The following CYB5RL variants were observed in gnomAD, a reference collection of about 807,000 sequenced individuals.
CYB5RL encodes NADH-cytochrome b5 reductase-like.
CYB5RL carries 38 observed loss-of-function variants against 37.5 expected under a neutral mutation model. The ratio of observed to expected loss-of-function variants is 1.01; its 90% CI spans 0.78 to 1.33. CYB5RL has a LOEUF of 1.33. Among genes scored for constraint, CYB5RL ranks in the 40% most tolerant of loss-of-function variants. The pLI is 0.00. For synonymous variants in CYB5RL, 141 were observed against 151.9 expected (o/e 0.93, Z 0.53); for missense variants, 388 against 394.4 (o/e 0.98, Z 0.14).
At chr1:54,177,481 T>C (rs1660049212) in intron 7 of CYB5RL, among the ~76,000 whole-genome samples, 1 of 152,184 alleles carries the variant, frequency 6.6e-6, no homozygotes, top group South Asian at 2.1e-4. Context: ...GCCTGGCCTC[T>C]ACCCACCACT....
chr1:54,172,354 T>C lies in CYB5RL; in HGVS notation c.*2265A>G, dbSNP rs1000348010. 4.7e-5 allele frequency: 7 copies of C among 150,338 alleles called. No homozygotes were observed. Among genetic ancestry groups the C allele is most frequent in the South Asian group, 4.3e-4 (2 of 4,694 alleles). The allele number at this position is 150,338 out of a possible 1,614,324, so 9.3% of individuals were successfully genotyped here. A position where few individuals can be genotyped will look rare whatever the true frequency, so the allele number is the denominator to read the frequency against. The stretch of plus-strand genomic sequence containing the variant: ...GTTAATCTTTTTTTTTTTTTTTTTT[T>C]TGTAGAGACAGGGTTTTGTCATGTT... On this transcript the variant is annotated 3_prime_UTR_variant, in exon 8 of 8. Coordinates refer to ENST00000534324, the MANE Select transcript of CYB5RL (RefSeq NM_001031672.4).
At chr1:54,198,328 T>C (rs35115189) in intron 1 of CYB5RL, among the ~76,000 whole-genome samples, 20,210 of 150,012 alleles carry the variant, frequency 0.13, 1,457 homozygotes, top group African/African-American at 0.18. Context: ...ATTTCTTTTC[T>C]TTCTTTCTTT....
chr1:54,191,234 C>T (rs1163448136), intron 3 of CYB5RL, among the ~76,000 whole-genome samples: 2 of 152,160 alleles, frequency 1.3e-5, no homozygotes, highest in African/African-American at 2.4e-5. Flanking sequence ...TTTTCTTTGT[C>T]CTCCCAAGAA....
chr1:54,177,710 A>T (rs1378079343), intron 7 of CYB5RL, among the ~76,000 whole-genome samples: 1 of 152,156 alleles, frequency 6.6e-6, no homozygotes, highest in Non-Finnish European at 1.5e-5. Flanking sequence ...TGTGGTGGAG[A>T]TTAAATTAAA....
At chr1:54,199,130 G>C (rs142282064) in intron 1 of CYB5RL, among the ~76,000 whole-genome samples, 155 of 152,236 alleles carry the variant, frequency 1.0e-3, no homozygotes, top group African/African-American at 3.6e-3. Flanking sequence ...CCACCCCGCA[G>C]GCCTTGGTTT....
chr1:54,174,460 G>A lies in CYB5RL; in HGVS notation c.*159C>T, dbSNP rs1379508265. ...GTGATTAACCTCATGGGGCAGATGAGAAGTAGAGGTTCTGAGCAGTAAAGA... is the reference window on the plus strand; with the variant it reads ...GTGATTAACCTCATGGGGCAGATGAAAAGTAGAGGTTCTGAGCAGTAAAGA... On this transcript the variant is annotated 3_prime_UTR_variant, in exon 8 of 8. Transcript: ENST00000534324. 9.2e-6 allele frequency: 7 copies of A among 762,032 alleles called. No individual in the cohort carries two copies. Among genetic ancestry groups the A allele is most frequent in the African/African-American group, 1.7e-5 (1 of 57,186 alleles). The allele number at this position is 762,032 out of a possible 1,614,324, so 47.2% of individuals were successfully genotyped here.
intron 1 of CYB5RL, among the ~76,000 whole-genome samples, chr1:54,199,248 A>G (rs4926623): frequency 0.28 from 42,714 of 152,072 alleles, 6,791 homozygotes; most frequent in East Asian, 0.52. Context: ...CATATTTACT[A>G]TGTGCCAGGC....
At chr1:54,199,945 G>A in intron 1 of CYB5RL, 31 bp downstream of exon 1, 1 of 438,760 alleles carries the variant, frequency 2.3e-6, no homozygotes, top group Non-Finnish European at 4.1e-6. Context: ...TGAAGTCCTG[G>A]AGCGATTCTC....
chr1:54,197,078 A>C (rs1408253447), intron 1 of CYB5RL, among the ~76,000 whole-genome samples: 2 of 152,162 alleles, frequency 1.3e-5, no homozygotes, highest in African/African-American at 2.4e-5. Context: ...GGGAAAGAAG[A>C]AGAGAGTTTG....
chr1:54,188,812 C>T (rs1426943891), intron 4 of CYB5RL, among the ~76,000 whole-genome samples: 1 of 152,160 alleles, frequency 6.6e-6, no homozygotes, highest in Non-Finnish European at 1.5e-5. Context: ...AAACTTTCTT[C>T]TCTGAGGTAT....
At chr1:54,179,089 A>G in intron 7 of CYB5RL, 60 bp downstream of exon 7, 1 of 1,557,114 alleles carries the variant, frequency 6.4e-7, no homozygotes, top group Non-Finnish European at 8.7e-7. Context: ...GGTCCTCAGG[A>G]CAGGTGCAAA....
At chr1:54,185,460 G>A in intron 5 of CYB5RL, 1 of 152,512 alleles carries the variant, frequency 6.6e-6, no homozygotes, top group Non-Finnish European at 1.5e-5. Context: ...CGAAGCACTG[G>A]GAGACAGGAC....
intron 4 of CYB5RL, among the ~76,000 whole-genome samples, chr1:54,190,359 C>A (rs183812127): frequency 3.3e-5 from 5 of 152,332 alleles, no homozygotes; most frequent in Admixed American, 3.3e-4. Flanking sequence ...AGCTCTAAAG[C>A]CACATTGCTT....
rs114708226 is a variant in CYB5RL, at chr1:54,183,655, G to A, written c.540+506C>T. Among the ~76,000 whole-genome samples the A allele has an allele frequency of 3.6e-3, 554 of 152,262 alleles. 1 individual carries two copies. Among genetic ancestry groups the A allele is most frequent in the African/African-American group, 0.013 (533 of 41,546 alleles). On this transcript the variant is annotated intron_variant, in intron 6 of 7. Transcript: ENST00000534324. ...AGCAATGGCCGCCCTGGGTAGCTTT[G>A]GAGCTGGGCAGGCAGTTTCATTTAT...
rs964298207 is a variant in CYB5RL at position 54,187,742 on chromosome 1, G to T, written c.348-3C>A. 6.8e-6 allele frequency: 11 copies of T among 1,613,504 alleles called. No homozygotes were observed. The highest frequency in any genetic ancestry group is 9.3e-6 in the Non-Finnish European group (11 of 1,179,480). ...TTTCTAAGTCATCTACTATCCCTCT[G>T]AGAAACAGAAGTGTGCAGTCAGTCA... On this transcript the variant is annotated splice_region_variant and splice_polypyrimidine_tract_variant and intron_variant, in intron 4 of 7. Coordinates refer to ENST00000534324, the MANE Select transcript of CYB5RL (RefSeq NM_001031672.4).
chr1:54,199,954 T>C (rs1470249639), intron 1 of CYB5RL, 22 bp downstream of exon 1: 2 of 457,888 alleles, frequency 4.4e-6, no homozygotes, highest in South Asian at 3.5e-5. Context: ...GGAGCGATTC[T>C]CCACCCACCA....
chr1:54,190,573 G>T, intron 4 of CYB5RL, 175 bp downstream of exon 4: 1 of 738,660 alleles, frequency 1.4e-6, no homozygotes, highest in Non-Finnish European at 2.2e-6. Context: ...TATTTATTAT[G>T]AAAATGCATT....
chr1:54,171,437 G>C lies in CYB5RL; in HGVS notation c.*3182C>G, dbSNP rs1357331278. The C allele has an allele frequency of 2.2e-6, 1 of 456,262 alleles. No individual in the cohort carries two copies. The highest frequency in any genetic ancestry group is 4.4e-6 in the Non-Finnish European group (1 of 226,786). 28.3% of individuals were successfully genotyped at this position (456,262 alleles called of 1,614,324 possible). ...GGAAAACTGGTCTGGTCTCAGCGTGGAGGTGGCATGGAGACTGGGAGCTGG... is the reference window on the plus strand; with the variant it reads ...GGAAAACTGGTCTGGTCTCAGCGTGCAGGTGGCATGGAGACTGGGAGCTGG... On this transcript the variant is annotated 3_prime_UTR_variant, in exon 8 of 8. Transcript: ENST00000534324.
Position 54,195,535 on chromosome 1 carries a change from A to G in CYB5RL, c.82T>C (p.Cys28Arg). ...LRPTEPLPSQ[C>R]CGSGCSPCVF... ...CAGGGTGAGCAGCCACTGCCGCAGC[A>G]CTGGGAAGGCAAGGGTTCTGTGGGC... The change falls in exon 3 of 8, where the codon TGC (cysteine) becomes CGC (arginine). Residue 28 changes from cysteine (C) to arginine (R), a missense_variant. Coordinates refer to ENST00000534324, the MANE Select transcript of CYB5RL (RefSeq NM_001031672.4). The G allele has an allele frequency of 6.2e-7, 1 of 1,613,764 alleles. No homozygotes were observed. The highest frequency in any genetic ancestry group is 8.5e-7 in the Non-Finnish European group (1 of 1,179,776).
Sources: gnomAD v4.1 joint callset for allele counts (sites outside exome capture counted in the v4.1 genomes callset) on GRCh38, gnomAD v4.1.1 for gene constraint, MANE v1.5 for transcripts, NCBI Gene and HGNC (gene_info 2026-07-23, HGNC 2026-07-21) for gene names.